The following ETV6 variants were observed in gnomAD, a reference collection of about 807,000 sequenced individuals.
The protein encoded by ETV6 is transcription factor ETV6.
ETV6 carries 16 observed loss-of-function variants against 51.1 expected under a neutral mutation model. The observed-to-expected ratio is 0.31, with a 90% CI of 0.21 to 0.48. ETV6 has a LOEUF of 0.48. Ranked by LOEUF, ETV6 falls within the 20% of genes least tolerant of loss-of-function variation. The probability of loss-of-function intolerance (pLI) is 0.99; values close to 1 mark genes in which losing one functional copy is unlikely to be tolerated. For synonymous variants in ETV6, 240 were observed against 224.1 expected, an observed-to-expected ratio of 1.07 and a Z score of -0.64; for missense variants, 458 against 594.8, an observed-to-expected ratio of 0.77 and a Z score of 2.39.
At chr12:11,883,276 C>T (rs1376313403) in intron 5 of ETV6, among the ~76,000 whole-genome samples, 3 of 79,116 alleles carry the variant, frequency 3.8e-5, no homozygotes, top group South Asian at 3.6e-4. Flanking sequence ...ATGTCTTCTT[C>T]TTTTTTTTTT....
At chr12:11,775,035 C>T (rs1161971455) in intron 2 of ETV6, among the ~76,000 whole-genome samples, 5 of 152,218 alleles carry the variant, frequency 3.3e-5, no homozygotes, top group African/African-American at 4.8e-5. Flanking sequence ...TGTGGCTAGA[C>T]GCCCTCTGTG....
At chr12:11,737,763 A>T (rs960764761) in intron 1 of ETV6, among the ~76,000 whole-genome samples, 4 of 152,188 alleles carry the variant, frequency 2.6e-5, no homozygotes, top group Non-Finnish European at 5.9e-5. Flanking sequence ...GGCCTTTTTC[A>T]TGTATTTTAA....
chr12:11,837,061 C>T (rs1456602746), intron 2 of ETV6, among the ~76,000 whole-genome samples: 33 of 152,166 alleles, frequency 2.2e-4, no homozygotes, highest in Non-Finnish European at 2.1e-4. Context: ...TGAGATTTTG[C>T]TGAGTAACCC....
At chr12:11,763,973 A>G (rs958540268) in intron 2 of ETV6, among the ~76,000 whole-genome samples, 7 of 152,362 alleles carry the variant, frequency 4.6e-5, no homozygotes, top group Non-Finnish European at 1.0e-4. Flanking sequence ...ACCCAGTTGC[A>G]ATGATTTAGA....
chr12:11,886,453 G>A (rs1947185837), intron 7 of ETV6, among the ~76,000 whole-genome samples: 1 of 116,164 alleles, frequency 8.6e-6, no homozygotes, highest in Non-Finnish European at 1.8e-5. Context: ...AGATTGAATG[G>A]GTCCATCAGA....
At chr12:11,818,911 C>T (rs375612734) in intron 2 of ETV6, among the ~76,000 whole-genome samples, 63 of 152,218 alleles carry the variant, frequency 4.1e-4, no homozygotes, top group African/African-American at 1.5e-3. Context: ...GGCCCTCAGC[C>T]TACCCTACCC....
intron 2 of ETV6, among the ~76,000 whole-genome samples, chr12:11,821,783 T>G (rs959650054): frequency 4.6e-5 from 7 of 152,128 alleles, no homozygotes; most frequent in African/African-American, 1.7e-4. Context: ...GAGGCTGCAG[T>G]GAACCATGAT....
intron 2 of ETV6, among the ~76,000 whole-genome samples, chr12:11,780,861 G>A (rs1166555233): frequency 2.6e-5 from 4 of 152,230 alleles, no homozygotes; most frequent in African/African-American, 9.7e-5. Flanking sequence ...ATAGCAGTGT[G>A]TTTCATCTTG....
rs115505707 is a variant in ETV6 at position 11,803,019 on chromosome 12, C to T, written c.164-36121C>T. Among the ~76,000 whole-genome samples, 472 of 152,308 alleles carry T rather than the reference C, an allele frequency of 3.1e-3. 4 individuals are homozygous for T. Among genetic ancestry groups the T allele is most frequent in the African/African-American group, 0.011 (457 of 41,560 alleles). ...GAACGTCTTGTAAGTGCTTGATTTA[C>T]CAAAGTCCATTTCTCCACAAGTTTC... On this transcript the variant is annotated intron_variant, in intron 2 of 7. Transcript: ENST00000396373.
chr12:11,650,493 AAAC>A (rs1466189757), intron 1 of ETV6, among the ~76,000 whole-genome samples: 4 of 65,770 alleles, frequency 6.1e-5, no homozygotes, highest in Admixed American at 1.7e-4. Context: ...AAAAAAAAAA[AAAC>A]AAAAAACAAA....
At chr12:11,824,456 G>A (rs959498593) in intron 2 of ETV6, among the ~76,000 whole-genome samples, 24 of 152,224 alleles carry the variant, frequency 1.6e-4, no homozygotes, top group South Asian at 4.1e-4. Flanking sequence ...TAGCTGTGGA[G>A]AAGCTGCTGG....
chr12:11,795,047 T>C (rs1945656356), intron 2 of ETV6, among the ~76,000 whole-genome samples: 1 of 152,244 alleles, frequency 6.6e-6, no homozygotes, highest in Non-Finnish European at 1.5e-5. Context: ...CTAATCCATT[T>C]TTAAAGTCTG....
At chr12:11,858,225 A>C (rs1449085085) in intron 4 of ETV6, among the ~76,000 whole-genome samples, 1 of 152,222 alleles carries the variant, frequency 6.6e-6, no homozygotes, top group Non-Finnish European at 1.5e-5. Context: ...AAAGGAGGTA[A>C]AATAAACAAT....
intron 7 of ETV6, among the ~76,000 whole-genome samples, chr12:11,888,693 G>A (rs1947242766): frequency 6.6e-6 from 1 of 152,054 alleles, no homozygotes. Context: ...GTGAGCCACT[G>A]TGCCTGGCCA....
rs1208614802 is a variant in ETV6 at position 11,874,533 on chromosome 12, TGTGCGTGTGTAC to T, written c.1009+4565_1009+4576del. Among the ~76,000 whole-genome samples the T allele has an allele frequency of 1.8e-4, 2 of 10,920 alleles. 1 individual carries two copies. Among genetic ancestry groups the T allele is most frequent in the African/African-American group, 4.3e-4 (2 of 4,680 alleles). The allele number at this position is 10,920 out of a possible 152,430, so 7.2% of individuals were successfully genotyped here. A position where few individuals can be genotyped will look rare whatever the true frequency, so the allele number is the denominator to read the frequency against. On this transcript the variant is annotated intron_variant, in intron 5 of 7. Coordinates refer to ENST00000396373, the MANE Select transcript of ETV6 (RefSeq NM_001987.5). ...GCGTGTGTACACACATATATGTGTA[TGTGCGTGTGTAC>T]ACACATATATGTGTATGTGCGTGTG...
At chr12:11,796,636 G>T (rs1448339519) in intron 2 of ETV6, among the ~76,000 whole-genome samples, 1 of 152,236 alleles carries the variant, frequency 6.6e-6, no homozygotes, top group African/African-American at 2.4e-5. Context: ...AGCTTCCGCT[G>T]TGCACTGTCC....
chr12:11,850,717 A>G (rs1031291176), intron 3 of ETV6, among the ~76,000 whole-genome samples: 3 of 152,244 alleles, frequency 2.0e-5, no homozygotes, highest in African/African-American at 4.8e-5. Flanking sequence ...AGATGAGGAA[A>G]CTGAGGCCAA....
At chr12:11,863,737 C>A (rs1946749846) in intron 4 of ETV6, among the ~76,000 whole-genome samples, 1 of 152,248 alleles carries the variant, frequency 6.6e-6, no homozygotes, top group Non-Finnish European at 1.5e-5. Context: ...AGCTTCTCTG[C>A]CTGCCGGCTC....
intron 2 of ETV6, among the ~76,000 whole-genome samples, chr12:11,764,970 T>C (rs1025467613): frequency 2.6e-5 from 4 of 152,180 alleles, no homozygotes; most frequent in African/African-American, 9.7e-5. Context: ...CCATCCAATA[T>C]ACACCTTGCC....
Sources: allele counts gnomAD v4.1 joint callset (sites outside exome capture counted in the v4.1 genomes callset), GRCh38; gene constraint gnomAD v4.1.1; transcripts MANE v1.5; gene names NCBI Gene and HGNC (gene_info 2026-07-23, HGNC 2026-07-21).